NEBL: variants seen among roughly 807,000 people sequenced by gnomAD.
NEBL encodes nebulette.
Under a neutral mutation model 140.2 loss-of-function variants are expected in NEBL, and 122 were observed. The observed-to-expected ratio is 0.87, with a 90% CI of 0.75 to 1.01. The LOEUF is 1.01. NEBL is among the 50% of genes least tolerant of loss of function. The pLI is 0.00. For synonymous variants in NEBL, 436 were observed against 398.9 expected, an observed-to-expected ratio of 1.09 and a Z score of -1.11; for missense variants, 1,365 against 1,231.3, an observed-to-expected ratio of 1.11 and a Z score of -1.62.
At chr10:20,950,013 TC>T (rs1008202811) in intron 4 of NEBL, among the ~76,000 whole-genome samples, 2 of 152,206 alleles carry the variant, frequency 1.3e-5, no homozygotes, top group African/African-American at 4.8e-5. Flanking sequence ...TTCCTTTCCC[TC>T]CTAAACCTGA....
chr10:21,220,235 T>G (rs957781056), intron 3 of NEBL, among the ~76,000 whole-genome samples: 1 of 152,190 alleles, frequency 6.6e-6, no homozygotes, highest in Non-Finnish European at 1.5e-5. Context: ...GTTGATTTTG[T>G]ATCCTGCAAC....
intron 21 of NEBL, among the ~76,000 whole-genome samples, chr10:20,816,583 C>A (rs1330019758): frequency 6.6e-5 from 10 of 152,174 alleles, no homozygotes; most frequent in Non-Finnish European, 1.2e-4. Context: ...TATCAATCAC[C>A]TGCCTTTGCA....
intron 4 of NEBL, among the ~76,000 whole-genome samples, chr10:20,939,170 G>A (rs1428948741): frequency 6.6e-6 from 1 of 152,186 alleles, no homozygotes; most frequent in Non-Finnish European, 1.5e-5. Flanking sequence ...AGGAAAAAAG[G>A]TTAAGGGCAG....
chr10:20,931,617 C>T (rs577956734), intron 4 of NEBL, among the ~76,000 whole-genome samples: 78 of 152,240 alleles, frequency 5.1e-4, no homozygotes, highest in African/African-American at 1.7e-3. Flanking sequence ...CTGCCTAGGG[C>T]GGTCAATCCC....
chr10:20,878,415 T>C (rs1181980114), intron 5 of NEBL, among the ~76,000 whole-genome samples: 1 of 152,230 alleles, frequency 6.6e-6, no homozygotes, highest in Admixed American at 6.5e-5. Context: ...AGTGACAGTC[T>C]GCATTATGAA....
At chr10:20,956,765 C>T (rs1031759890) in intron 4 of NEBL, among the ~76,000 whole-genome samples, 7 of 151,926 alleles carry the variant, frequency 4.6e-5, no homozygotes, top group African/African-American at 7.3e-5. Context: ...TTACCTTTCT[C>T]ATATTTAAAA....
At chr10:20,786,676 C>A (rs1018123624) in intron 27 of NEBL, among the ~76,000 whole-genome samples, 3 of 152,144 alleles carry the variant, frequency 2.0e-5, no homozygotes, top group African/African-American at 4.8e-5. Context: ...GACCAAGAGA[C>A]TATGTTGAGG....
intron 17 of NEBL, among the ~76,000 whole-genome samples, chr10:20,826,808 T>C (rs1202540277): frequency 2.0e-5 from 3 of 152,164 alleles, no homozygotes; most frequent in South Asian, 4.1e-4. Flanking sequence ...GCTTTAAGAA[T>C]ACACATTGGC....
At chr10:21,259,843 T>C (rs1007632771) in intron 1 of NEBL, among the ~76,000 whole-genome samples, 6 of 151,580 alleles carry the variant, frequency 4.0e-5, no homozygotes, top group East Asian at 1.9e-4. Context: ...GGCAGGGGGG[T>C]GGATCTAAGG....
chr10:20,828,597 T>A lies in NEBL; in HGVS notation c.1709A>T (p.Asn570Ile). 3 of 1,592,724 alleles carry A rather than the reference T, an allele frequency of 1.9e-6. No individual in the cohort carries two copies. Among genetic ancestry groups the A allele is most frequent in the Non-Finnish European group, 2.6e-6 (3 of 1,161,006 alleles). Reference sequence around the variant, plus strand: ...AGGAGTATCTGCTATGGTAGAATAGTTAGAAAGCATCTTCTCTGCTTCATC... The same window carrying A: ...AGGAGTATCTGCTATGGTAGAATAGATAGAAAGCATCTTCTCTGCTTCATC... Reference protein sequence around the residue: ...YKDEAEKMLSNYSTIADTPEI... With the variant: ...YKDEAEKMLSIYSTIADTPEI... Residue 570 changes from asparagine (N) to isoleucine (I), a missense_variant, in exon 17 of 28, where the codon AAC (asparagine) becomes ATC (isoleucine). Physicochemically the swap from Asn to Ile is moderately radical, Grantham distance 149 (BLOSUM62 -3). Transcript: ENST00000377122.
chr10:21,288,820 GTATA>G (rs71392181), intron 1 of NEBL, among the ~76,000 whole-genome samples: 3 of 35,026 alleles, frequency 8.6e-5, no homozygotes, highest in Admixed American at 5.5e-4. Flanking sequence ...GTGTGTGTGT[GTATA>G]TATATATATA....
chr10:21,194,849 ACAGAGCTATGTAGT>A lies in NEBL; in HGVS notation n.349-22386_349-22373del, dbSNP rs905598417. ...CCCTGCCGCAAAAAAATACTAATAC[ACAGAGCTATGTAGT>A]CAGATGTAATCTGACATGACTCACT... On this transcript the variant is annotated intron_variant and non_coding_transcript_variant, in intron 3 of 8. Coordinates refer to the NEBL transcript ENST00000675702. 8.6e-5 allele frequency among the ~76,000 whole-genome samples: 13 copies of A among 151,076 alleles called. No homozygotes were observed. In the South Asian group the frequency reaches 1.3e-3, roughly 15 times the overall value.
chr10:20,949,286 G>A (rs1298550393), intron 4 of NEBL, among the ~76,000 whole-genome samples: 1 of 152,066 alleles, frequency 6.6e-6, no homozygotes, highest in Non-Finnish European at 1.5e-5. Flanking sequence ...TCACACACTA[G>A]GGCCTGTTGG....
intron 2 of NEBL, among the ~76,000 whole-genome samples, chr10:21,250,739 C>T (rs985679298): frequency 2.0e-5 from 3 of 151,702 alleles, no homozygotes; most frequent in African/African-American, 4.8e-5. Flanking sequence ...GGTGAAACCC[C>T]GTCTCTACTA....
At position 20,919,412 on chromosome 10, in the gene NEBL, T is replaced by G. The variant is rs118143296; in HGVS notation, c.357+42260A>C. Among the ~76,000 whole-genome samples the G allele has an allele frequency of 1.7e-3, 258 of 152,310 alleles. 1 individual carries two copies. Among genetic ancestry groups the G allele is most frequent in the Non-Finnish European group, 2.6e-3 (174 of 68,024 alleles). ...CTAAAAATTCTACCATTTCAAACTT[T>G]ATGTTTCTATAATCATGGGAATCAT... On this transcript the variant is annotated intron_variant, in intron 4 of 6. Transcript: ENST00000417816.
At chr10:21,061,440 A>G in intron 2 of NEBL, among the ~76,000 whole-genome samples, 1 of 147,238 alleles carries the variant, frequency 6.8e-6, no homozygotes, top group East Asian at 2.0e-4. Flanking sequence ...GGTGTATGAT[A>G]TATATCGTAT....
At chr10:20,811,374 T>A (rs1391796606) in intron 24 of NEBL, among the ~76,000 whole-genome samples, 3 of 152,188 alleles carry the variant, frequency 2.0e-5, no homozygotes, top group Non-Finnish European at 2.9e-5. Flanking sequence ...CTTTAGCAGT[T>A]CCACCCTAAG....
At position 21,225,088 on chromosome 10, in the gene NEBL, G is replaced by A. The variant is rs571154495; in HGVS notation, n.348+22833C>T. On this transcript the variant is annotated intron_variant and non_coding_transcript_variant, in intron 3 of 8. Coordinates refer to the NEBL transcript ENST00000675702. ...AATCCTTGTCATGTTCCAGATCTTA[G>A]AGGAAAAGCTTTCAGTTTTTCCCCA... Among the ~76,000 whole-genome samples, 194 of 152,158 alleles carry A rather than the reference G, an allele frequency of 1.3e-3. 1 individual carries two copies. The highest frequency in any genetic ancestry group is 2.2e-3 in the Non-Finnish European group (152 of 68,010).
chr10:21,080,670 G>T (rs1836323837), intron 2 of NEBL, among the ~76,000 whole-genome samples: 1 of 152,096 alleles, frequency 6.6e-6, no homozygotes. Context: ...AGCAAGGCTG[G>T]GTTTCTGGAT....
Sources: allele counts gnomAD v4.1 joint callset (sites outside exome capture counted in the v4.1 genomes callset), GRCh38; gene constraint gnomAD v4.1.1; transcripts MANE v1.5; gene names NCBI Gene and HGNC (gene_info 2026-07-23, HGNC 2026-07-21).